The following UNC5A variants were observed in gnomAD, a reference collection of about 807,000 sequenced individuals.
UNC5A encodes the protein unc-5 netrin receptor A, also known as netrin receptor UNC5A.
A neutral mutation model predicts 87.4 loss-of-function variants in UNC5A; 20 were observed. The observed-to-expected ratio is 0.23, with a 90% CI of 0.16 to 0.33. The LOEUF is 0.33. Ranked by LOEUF, UNC5A falls within the 10% of genes least tolerant of loss-of-function variation. The pLI is 1.00. For missense variants in UNC5A, 844 were observed against 1,133.4 expected (o/e 0.74, Z 3.67); for synonymous variants, 438 against 482.3 (o/e 0.91, Z 1.20).
At chr5:176,860,071 G>A (rs1434933675) in intron 1 of UNC5A, among the ~76,000 whole-genome samples, 2 of 152,188 alleles carry the variant, frequency 1.3e-5, no homozygotes, top group African/African-American at 4.8e-5. Context: ...CTGGAGGGCC[G>A]CACACCCCCT....
chr5:176,856,514 C>A (rs967057790), intron 1 of UNC5A, among the ~76,000 whole-genome samples: 1 of 152,244 alleles, frequency 6.6e-6, no homozygotes, highest in Non-Finnish European at 1.5e-5. Context: ...CTCCTGCCCC[C>A]AGGGAGTTTA....
chr5:176,868,433 A>C lies in UNC5A; in HGVS notation c.437-128A>C, dbSNP rs1758025858. ...CCTGTGGACACGGCCCAGCCACCCCATGGCCCCCTGGCCACCTGGCACTTC... is the reference window on the plus strand; with the variant it reads ...CCTGTGGACACGGCCCAGCCACCCCCTGGCCCCCTGGCCACCTGGCACTTC... On this transcript the variant is annotated intron_variant, in intron 3 of 14. Transcript: ENST00000329542. 3.5e-6 allele frequency: 5 copies of C among 1,434,310 alleles called. No individual in the cohort carries two copies. The East Asian group carries it at 9.8e-5, about 28-fold the overall frequency. The allele number at this position is 1,434,310 out of a possible 1,614,324, so 88.8% of individuals were successfully genotyped here. A position where few individuals can be genotyped will look rare whatever the true frequency, so the allele number is the denominator to read the frequency against.
chr5:176,834,697 CTCTCTCTG>C (rs1561646569), intron 1 of UNC5A, among the ~76,000 whole-genome samples: 2 of 150,326 alleles, frequency 1.3e-5, no homozygotes, highest in African/African-American at 4.9e-5. Context: ...CTCTCTCTCT[CTCTCTCTG>C]TCTCTCTGTC....
In UNC5A at chr5:176,833,699, T is replaced by C. The variant is rs374556757; in HGVS notation, c.70+22879T>C. Among the ~76,000 whole-genome samples, 1,141 of 151,760 alleles carry C rather than the reference T, an allele frequency of 7.5e-3. 15 individuals carry two copies. The highest frequency in any genetic ancestry group is 0.027 in the African/African-American group (1,100 of 41,274). On this transcript the variant is annotated intron_variant, in intron 1 of 14. Transcript: ENST00000329542. ...AGCTCAGTCACACAGCCTCTTTTTT[T>C]ATCTTTTTTCTTTCTTTTTTTTTTT...
chr5:176,876,410 T>C (rs1238090987), intron 8 of UNC5A, among the ~76,000 whole-genome samples: 2 of 152,122 alleles, frequency 1.3e-5, no homozygotes, highest in African/African-American at 4.8e-5. Flanking sequence ...TCCCTCCCCA[T>C]GTCCTGAGCT....
intron 1 of UNC5A, among the ~76,000 whole-genome samples, chr5:176,818,454 A>C (rs1756648637): frequency 6.6e-6 from 1 of 152,186 alleles, no homozygotes; most frequent in African/African-American, 2.4e-5. Flanking sequence ...ATAGACTGTT[A>C]CGTTTTTTAT....
rs1042760523 is a variant in UNC5A at position 176,865,492 on chromosome 5, G to A, written c.293-2638G>A. On this transcript the variant is annotated intron_variant, in intron 2 of 14. Transcript: ENST00000329542. The surrounding 1 kb of genome is among the most constrained non-coding windows in gnomAD (Gnocchi z 5.3). Reference sequence around the variant, plus strand: ...GGCAGAGAAGCAGAGCTTGGGACACGTCCCACCCGTAACCGCCAGGGTCCT... The same window carrying A: ...GGCAGAGAAGCAGAGCTTGGGACACATCCCACCCGTAACCGCCAGGGTCCT... 6 of 429,766 alleles carry A rather than the reference G, an allele frequency of 1.4e-5. No individual in the cohort carries two copies. The highest frequency in any genetic ancestry group is 6.6e-5 in the South Asian group (4 of 60,568). 26.6% of individuals were successfully genotyped at this position (429,766 alleles called of 1,614,324 possible).
intron 1 of UNC5A, among the ~76,000 whole-genome samples, chr5:176,813,212 C>A (rs1756511769): frequency 6.6e-6 from 1 of 152,224 alleles, no homozygotes; most frequent in Non-Finnish European, 1.5e-5. Context: ...CAAACCCCCA[C>A]CCTGCCCCTG....
chr5:176,820,670 T>G (rs1466922891), intron 1 of UNC5A, among the ~76,000 whole-genome samples: 1 of 152,188 alleles, frequency 6.6e-6, no homozygotes, highest in African/African-American at 2.4e-5. Context: ...CTCCTTCCTT[T>G]GGTCATCTGC....
Position 176,824,443 on chromosome 5 carries a change from G to T in UNC5A, c.70+13623G>T, listed in dbSNP as rs900865078. Reference sequence around the variant, plus strand: ...TTTCTGTGTCCTGCACCTGAAAGGGGCCTGACCGAGGATCTTAGGAGAAAG... The same window carrying T: ...TTTCTGTGTCCTGCACCTGAAAGGGTCCTGACCGAGGATCTTAGGAGAAAG... On this transcript the variant is annotated intron_variant, in intron 1 of 14. Coordinates refer to ENST00000329542, the MANE Select transcript of UNC5A (RefSeq NM_133369.3). The surrounding 1 kb of genome is among the most constrained non-coding windows in gnomAD (Gnocchi z 4.2). Among the ~76,000 whole-genome samples, 1 of 152,142 alleles carries T rather than the reference G, an allele frequency of 6.6e-6. No individual in the cohort carries two copies. Among genetic ancestry groups the T allele is most frequent in the Non-Finnish European group, 1.5e-5 (1 of 68,028 alleles).
In UNC5A at chr5:176,869,574, GC is replaced by G; in HGVS notation, c.721+615del. On this transcript the variant is annotated intron_variant, in intron 5 of 14. Transcript: ENST00000329542. This position sits in a 1 kb window ranked among gnomAD's most constrained non-coding sequence, Gnocchi z 9.1. ...CCCCTGGGCCAGTGTATCTGAGGAC[GC>G]CCCCGCTCCCTGACCCCAGTCCTTC... 1.5e-6 allele frequency: 1 copy of G among 679,592 alleles called. No individual in the cohort carries two copies. The highest frequency in any genetic ancestry group is 2.7e-6 in the Non-Finnish European group (1 of 371,436). The allele number at this position is 679,592 out of a possible 1,614,324, so 42.1% of individuals were successfully genotyped here.
At chr5:176,851,033 G>C (rs965774860) in intron 1 of UNC5A, among the ~76,000 whole-genome samples, 1 of 152,196 alleles carries the variant, frequency 6.6e-6, no homozygotes, top group African/African-American at 2.4e-5. Context: ...GGGCATGGAC[G>C]TGGGTCCCTC....
chr5:176,857,060 G>T (rs901591126), intron 1 of UNC5A, among the ~76,000 whole-genome samples: 1 of 152,194 alleles, frequency 6.6e-6, no homozygotes, highest in African/African-American at 2.4e-5. Context: ...CATTCAGGGC[G>T]CTGCTCAGAT....
chr5:176,843,333 G>A (rs541950247), intron 1 of UNC5A, among the ~76,000 whole-genome samples: 1 of 152,194 alleles, frequency 6.6e-6, no homozygotes, highest in Non-Finnish European at 1.5e-5. Context: ...GGACTCTAAA[G>A]TACTGTGTAC....
At chr5:176,834,665 T>TTC (rs369472376) in intron 1 of UNC5A, among the ~76,000 whole-genome samples, 12,724 of 101,242 alleles carry the variant, frequency 0.13, 1,049 homozygotes, top group South Asian at 0.2. Flanking sequence ...ACGTCCCGTC[T>TTC]TCTCTCTCTC....
intron 1 of UNC5A, among the ~76,000 whole-genome samples, chr5:176,839,966 T>C (rs1757236146): frequency 6.6e-6 from 1 of 152,048 alleles, no homozygotes; most frequent in Non-Finnish European, 1.5e-5. Flanking sequence ...TGTGGTCTAC[T>C]GCCTCAGCCT....
chr5:176,856,469 A>G (rs575671657), intron 1 of UNC5A, among the ~76,000 whole-genome samples: 1 of 151,846 alleles, frequency 6.6e-6, no homozygotes, highest in South Asian at 2.1e-4. Flanking sequence ...CAGTCACGCA[A>G]CAAACACTCC....
Position 176,869,918 on chromosome 5 carries a change from G to A in UNC5A, c.722-452G>A, listed in dbSNP as rs1276982654. 3.6e-5 allele frequency: 21 copies of A among 578,398 alleles called. No homozygotes were observed. Among genetic ancestry groups the A allele is most frequent in the East Asian group, 2.6e-4 (9 of 34,270 alleles). 35.8% of individuals were successfully genotyped at this position (578,398 alleles called of 1,614,324 possible). A position where few individuals can be genotyped will look rare whatever the true frequency, so the allele number is the denominator to read the frequency against. On this transcript the variant is annotated intron_variant, in intron 5 of 14. Transcript: ENST00000329542. This position sits in a 1 kb window ranked among gnomAD's most constrained non-coding sequence, Gnocchi z 9.1. The stretch of plus-strand genomic sequence containing the variant: ...CGCAGGGCCAGGCTCAGTCTGAGGC[G>A]GGGATCGGGGTGCGGTGTATGGTTG...
chr5:176,855,954 C>T (rs1045266494), intron 1 of UNC5A, among the ~76,000 whole-genome samples: 1 of 152,166 alleles, frequency 6.6e-6, no homozygotes, highest in Non-Finnish European at 1.5e-5. Context: ...TCCTCAACCG[C>T]GCCGTGTGGT....
Sources: gnomAD v4.1 joint callset for allele counts (sites outside exome capture counted in the v4.1 genomes callset) on GRCh38, gnomAD v4.1.1 for gene constraint, Gnocchi (gnomAD v3.1) non-coding constraint, MANE v1.5 for transcripts, NCBI Gene and HGNC (gene_info 2026-07-23, HGNC 2026-07-21) for gene names.